EXOC4: variants seen among roughly 807,000 people sequenced by gnomAD.
The protein encoded by EXOC4 is exocyst complex component 4.
EXOC4 carries 71 observed loss-of-function variants against 107.2 expected under a neutral mutation model. The observed-to-expected ratio is 0.66, with a 90% confidence interval of 0.55 to 0.81. The LOEUF is 0.81. EXOC4 is among the 30% of genes least tolerant of loss of function. The pLI is 0.00. For synonymous variants in EXOC4, 456 were observed against 441.2 expected (o/e 1.03, Z -0.42); for missense variants, 1,108 against 1,189.6 (o/e 0.93, Z 1.01).
rs908126526 is a variant in EXOC4, at chr7:134,058,424, G to C, written c.2688-5867G>C. ...GGGACAGTCAACTTTTGGAAAGAAA[G>C]GTTACTTCATCCATTACCAACTTGA... On this transcript the variant is annotated intron_variant, in intron 17 of 17. Transcript: ENST00000253861. 2.6e-5 allele frequency among the ~76,000 whole-genome samples: 4 copies of C among 152,144 alleles called. No individual in the cohort carries two copies. The East Asian group carries it at 7.7e-4, about 29-fold the overall frequency.
intron 9 of EXOC4, among the ~76,000 whole-genome samples, chr7:133,497,228 G>A (rs993825505): frequency 2.0e-5 from 3 of 152,086 alleles, no homozygotes; most frequent in Admixed American, 6.6e-5. Context: ...GCTAATCCAT[G>A]TCTGGACTTC....
chr7:133,804,997 A>G lies in EXOC4; in HGVS notation c.1515-12328A>G, dbSNP rs891854236. Among the ~76,000 whole-genome samples, 7 of 152,190 alleles carry G rather than the reference A, an allele frequency of 4.6e-5. No homozygotes were observed. The East Asian group carries it at 9.6e-4, about 21-fold the overall frequency. On this transcript the variant is annotated intron_variant, in intron 10 of 17. Transcript: ENST00000253861. ...AAACAAGCTGTAAAAATAACTTAATATTATTTATTAAAACATTTATTAACT... is the reference window on the plus strand; with the variant it reads ...AAACAAGCTGTAAAAATAACTTAATGTTATTTATTAAAACATTTATTAACT...
At chr7:133,354,270 C>G (rs1795976076) in intron 5 of EXOC4, among the ~76,000 whole-genome samples, 1 of 152,002 alleles carries the variant, frequency 6.6e-6, no homozygotes, top group African/African-American at 2.4e-5. Context: ...CTCCAGAAAT[C>G]ACATTCTCCC....
At chr7:134,093,470 A>G in the EXOC4 span, among the ~76,000 whole-genome samples, 5 of 152,190 alleles carry the variant, frequency 3.3e-5, no homozygotes, top group Non-Finnish European at 7.3e-5. Flanking sequence ...CCACACAATA[A>G]CAGAGCGGGG....
intron 10 of EXOC4, among the ~76,000 whole-genome samples, chr7:133,716,523 G>C (rs1296487059): frequency 6.6e-6 from 1 of 152,030 alleles, no homozygotes; most frequent in East Asian, 1.9e-4. Context: ...AACATAAAAT[G>C]GTTTTTAATA....
intron 6 of EXOC4, among the ~76,000 whole-genome samples, chr7:133,360,621 G>A (rs1312101466): frequency 6.6e-6 from 1 of 152,226 alleles, no homozygotes; most frequent in African/African-American, 2.4e-5. Flanking sequence ...TTTTGGGCTT[G>A]TTGTAATATT....
Position 133,491,628 on chromosome 7 carries a change from A to G in EXOC4, c.1417+11490A>G, listed in dbSNP as rs572691035. ...GTGTACAGTCAACATTTCTAGGCCA[A>G]CTATATTCTGGGGCCTGTTCCTGGA... On this transcript the variant is annotated intron_variant, in intron 9 of 17. Coordinates refer to ENST00000253861, the MANE Select transcript of EXOC4 (RefSeq NM_021807.4). 4.6e-5 allele frequency among the ~76,000 whole-genome samples: 7 copies of G among 152,210 alleles called. No individual in the cohort carries two copies. In the East Asian group the frequency reaches 1.3e-3, roughly 29 times the overall value.
intron 10 of EXOC4, among the ~76,000 whole-genome samples, chr7:133,779,907 C>T (rs1375701577): frequency 6.6e-6 from 1 of 152,182 alleles, no homozygotes; most frequent in African/African-American, 2.4e-5. Flanking sequence ...AGAGGGAATG[C>T]TGCTTCTCAC....
chr7:133,816,190 AC>A (rs748349329), intron 10 of EXOC4, among the ~76,000 whole-genome samples: 1 of 152,210 alleles, frequency 6.6e-6, no homozygotes, highest in Non-Finnish European at 1.5e-5. Context: ...TACTGTGGTG[AC>A]TACACTGTGG....
chr7:134,071,495 G>A (rs1796272148), downstream of EXOC4, among the ~76,000 whole-genome samples: 1 of 152,192 alleles, frequency 6.6e-6, no homozygotes, highest in Non-Finnish European at 1.5e-5. Flanking sequence ...AGGGGGTTAA[G>A]GTCAGGAGGT....
At chr7:133,698,239 T>C (rs1017649250) in intron 10 of EXOC4, among the ~76,000 whole-genome samples, 1 of 152,090 alleles carries the variant, frequency 6.6e-6, no homozygotes, top group African/African-American at 2.4e-5. Flanking sequence ...TGGTCTATTG[T>C]TTTTTTAAAA....
Position 133,360,587 on chromosome 7 carries a change from G to C in EXOC4, c.1007+4014G>C, listed in dbSNP as rs576976921. Among the ~76,000 whole-genome samples the C allele has an allele frequency of 3.9e-5, 6 of 152,324 alleles. No homozygotes were observed. In the East Asian group the frequency reaches 1.2e-3, roughly 29 times the overall value. On this transcript the variant is annotated intron_variant, in intron 6 of 17. Transcript: ENST00000253861. ...TGAAGAAAAAGATTAAATGTCAGAT[G>C]TGAAAAGCAGAGAACTTTGTGGGTT... is the stretch of plus-strand genomic sequence containing the variant.
chr7:133,717,920 T>G (rs551632088), intron 10 of EXOC4, among the ~76,000 whole-genome samples: 1 of 152,144 alleles, frequency 6.6e-6, no homozygotes, highest in African/African-American at 2.4e-5. Context: ...GCTAAAGAAC[T>G]CCTTTTAATA....
At chr7:133,518,536 T>A (rs1289770492) in intron 9 of EXOC4, among the ~76,000 whole-genome samples, 1 of 152,132 alleles carries the variant, frequency 6.6e-6, no homozygotes, top group African/African-American at 2.4e-5. Context: ...AACAGATATT[T>A]TATACCCATG....
chr7:133,555,300 A>G (rs970663780), intron 9 of EXOC4, among the ~76,000 whole-genome samples: 3 of 152,214 alleles, frequency 2.0e-5, no homozygotes, highest in African/African-American at 7.2e-5. Context: ...TTTCAACTTC[A>G]AAGATTACCT....
At chr7:133,506,891 T>G (rs1300569384) in intron 9 of EXOC4, among the ~76,000 whole-genome samples, 1 of 152,138 alleles carries the variant, frequency 6.6e-6, no homozygotes, top group East Asian at 1.9e-4. Context: ...AAATAATCCC[T>G]AACACCTCTT....
intron 10 of EXOC4, 178 bp downstream of exon 10, chr7:133,630,319 T>G (rs1408730193): frequency 3.9e-6 from 2 of 519,162 alleles, no homozygotes; most frequent in Non-Finnish European, 6.9e-6. Context: ...TCCCACTGAG[T>G]AGCTACTTAT....
At chr7:134,075,309 C>T in the EXOC4 span, among the ~76,000 whole-genome samples, 1 of 152,106 alleles carries the variant, frequency 6.6e-6, no homozygotes, top group Admixed American at 6.6e-5. Flanking sequence ...CTCCCTCTTC[C>T]AGGAATATAG....
intron 7 of EXOC4, among the ~76,000 whole-genome samples, chr7:133,440,870 C>T (rs970006739): frequency 1.5e-4 from 23 of 152,188 alleles, no homozygotes; most frequent in Non-Finnish European, 4.4e-5. Flanking sequence ...TAGCTATCAG[C>T]CCTTGGGGCA....
Sources: gnomAD v4.1 joint callset for allele counts (sites outside exome capture counted in the v4.1 genomes callset) on GRCh38, gnomAD v4.1.1 for gene constraint, MANE v1.5 for transcripts, NCBI Gene and HGNC (gene_info 2026-07-23, HGNC 2026-07-21) for gene names.